The following POMT1 variants were observed in gnomAD, a reference collection of about 807,000 sequenced individuals.
POMT1 encodes the protein protein O-mannosyl-transferase 1.
In POMT1, 85 loss-of-function variants were observed where a neutral mutation model predicts 101.6. The observed-to-expected ratio is 0.84, with a 90% CI of 0.70 to 1.00. The LOEUF is 1.00. Ranked by LOEUF, POMT1 falls within the 50% of genes least tolerant of loss-of-function variation. The probability of loss-of-function intolerance (pLI) is 0.00; values close to 1 mark genes in which losing one functional copy is unlikely to be tolerated. For missense variants in POMT1, 857 were observed against 930.4 expected (o/e 0.92, Z 1.03); for synonymous variants, 371 against 383.0 (o/e 0.97, Z 0.37).
chr9:131,504,385 T>A, intron 2 of POMT1, 45 bp downstream of exon 2: 1 of 1,614,022 alleles, frequency 6.2e-7, no homozygotes, highest in Non-Finnish European at 8.5e-7. Context: ...AGAATTGTAC[T>A]TTGTGACAGG....
intron 13 of POMT1, among the ~76,000 whole-genome samples, chr9:131,515,982 ACACTC>A (rs1948396730): frequency 1.0e-4 from 1 of 9,764 alleles, no homozygotes; most frequent in Non-Finnish European, 4.1e-4. Flanking sequence ...ACTTCCTCTC[ACACTC>A]ACACGGAGCA....
chr9:131,515,577 A>G, intron 13 of POMT1, 55 bp downstream of exon 13: 1 of 1,523,154 alleles, frequency 6.6e-7, no homozygotes. Context: ...ACACTCCCTC[A>G]CACGGAGCAC....
chr9:131,514,767 C>T (rs569672969), intron 12 of POMT1, among the ~76,000 whole-genome samples: 3 of 152,298 alleles, frequency 2.0e-5, no homozygotes, highest in African/African-American at 7.2e-5. Context: ...ACAAGCTGGG[C>T]CAACATGGTG....
chr9:131,513,871 C>T (rs1947689980), intron 12 of POMT1, among the ~76,000 whole-genome samples: 2 of 152,250 alleles, frequency 1.3e-5, no homozygotes, highest in African/African-American at 2.4e-5. Context: ...CTCTGTTGCT[C>T]TCAGTCTCTG....
chr9:131,517,849 G>C (rs962099719), intron 13 of POMT1, among the ~76,000 whole-genome samples: 1 of 152,234 alleles, frequency 6.6e-6, no homozygotes, highest in African/African-American at 2.4e-5. Flanking sequence ...GGCATGGACC[G>C]CGGCCAGGCC....
chr9:131,523,314 A>G lies in POMT1; in HGVS notation c.*208A>G, dbSNP rs1307867545. 7.9e-6 allele frequency: 5 copies of G among 635,662 alleles called. No individual in the cohort carries two copies. The highest frequency in any genetic ancestry group is 3.6e-5 in the African/African-American group (2 of 54,970). The allele number at this position is 635,662 out of a possible 1,614,324, so 39.4% of individuals were successfully genotyped here. A position where few individuals can be genotyped will look rare whatever the true frequency, so the allele number is the denominator to read the frequency against. On this transcript the variant is annotated 3_prime_UTR_variant, in exon 20 of 20. Transcript: ENST00000402686. ...GCAAAGTTAATTTTTTCTCGACAAT[A>G]AAGATATTCCGTGTCTTTACCCCTG... is the stretch of plus-strand genomic sequence containing the variant.
In POMT1 at chr9:131,519,141, C is replaced by A. The variant is rs1475374673; in HGVS notation, c.1486+184C>A. Among the ~76,000 whole-genome samples the A allele has an allele frequency of 6.6e-6, 1 of 152,220 alleles. No individual in the cohort carries two copies. Among genetic ancestry groups the A allele is most frequent in the Non-Finnish European group, 1.5e-5 (1 of 68,038 alleles). On this transcript the variant is annotated intron_variant, in intron 15 of 19. Transcript: ENST00000402686. This position sits in a 1 kb window ranked among gnomAD's most constrained non-coding sequence, Gnocchi z 4.3. Reference sequence around the variant, plus strand: ...GCTGCAGTAATAACTCAAGACGCTTCTTCCGAGGTGTCGCTGGAAGGCAAC... The same window carrying A: ...GCTGCAGTAATAACTCAAGACGCTTATTCCGAGGTGTCGCTGGAAGGCAAC...
chr9:131,519,589 C>A lies in POMT1; in HGVS notation c.1584+103C>A. Reference sequence around the variant, plus strand: ...GACTCAAACCAGAGTCAGGCTTTGACGCTGGAGCTACAGGCTCACAACAGA... The same window carrying A: ...GACTCAAACCAGAGTCAGGCTTTGAAGCTGGAGCTACAGGCTCACAACAGA... On this transcript the variant is annotated intron_variant, in intron 16 of 19. Transcript: ENST00000402686. The surrounding 1 kb of genome is among the most constrained non-coding windows in gnomAD (Gnocchi z 4.3). 2.7e-6 allele frequency: 3 copies of A among 1,123,138 alleles called. No individual in the cohort carries two copies. Among genetic ancestry groups the A allele is most frequent in the South Asian group, 1.3e-5 (1 of 75,208 alleles). The allele number at this position is 1,123,138 out of a possible 1,614,324, so 69.6% of individuals were successfully genotyped here.
At position 131,509,009 on chromosome 9, in the gene POMT1, T is replaced by C; in HGVS notation, c.526T>C (p.Cys176Arg). ...GTTGTCCTACCTGAAGTTCTTCAACTGCCAAAAGCACAGGTATGGAAAATG... is the reference window on the plus strand; with the variant it reads ...GTTGTCCTACCTGAAGTTCTTCAACCGCCAAAAGCACAGGTATGGAAAATG... ...AVLSYLKFFN[C>R]QKHSPFSLSW... Residue 176 changes from cysteine (C) to arginine (R), a missense_variant, in exon 6 of 20, where the codon TGC (cysteine) becomes CGC (arginine). By Grantham distance (180) the Cys-to-Arg change is radical. Coordinates refer to ENST00000402686, the MANE Select transcript of POMT1 (RefSeq NM_001077365.2). 1 of 1,607,922 alleles carries C rather than the reference T, an allele frequency of 6.2e-7. No individual in the cohort carries two copies. Among genetic ancestry groups the C allele is most frequent in the Non-Finnish European group, 8.5e-7 (1 of 1,174,342 alleles).
In POMT1 at chr9:131,522,780, G is replaced by A; in HGVS notation, c.2004-152G>A. 4.6e-6 allele frequency: 4 copies of A among 864,926 alleles called. No individual in the cohort carries two copies. In the South Asian group the frequency reaches 6.1e-5, roughly 13 times the overall value. 53.6% of individuals were successfully genotyped at this position (864,926 alleles called of 1,614,324 possible). A position where few individuals can be genotyped will look rare whatever the true frequency, so the allele number is the denominator to read the frequency against. ...TCTCAGTGCATCCAGGTGGGAGATG[G>A]TCATGGGTGGCAGGAGACAAGACAC... On this transcript the variant is annotated intron_variant, in intron 19 of 19. Coordinates refer to ENST00000402686, the MANE Select transcript of POMT1 (RefSeq NM_001077365.2). The surrounding 1 kb of genome is among the most constrained non-coding windows in gnomAD (Gnocchi z 5.5).
intron 12 of POMT1, 46 bp from the exon 13 acceptor site, chr9:131,515,380 A>G: frequency 6.4e-7 from 1 of 1,574,632 alleles, no homozygotes; most frequent in East Asian, 2.2e-5. Context: ...ATTGCCTTCC[A>G]GAGGAGTTCA....
At chr9:131,520,728 G>A (rs1004293057) in intron 17 of POMT1, among the ~76,000 whole-genome samples, 23 of 152,246 alleles carry the variant, frequency 1.5e-4, no homozygotes, top group African/African-American at 5.5e-4. Flanking sequence ...AGCTCTGAGC[G>A]CACTTTGCAT....
Position 131,521,559 on chromosome 9 carries a change from G to T in POMT1, c.1825+87G>T, listed in dbSNP as rs538491666. On this transcript the variant is annotated intron_variant, in intron 18 of 19. Coordinates refer to ENST00000402686, the MANE Select transcript of POMT1 (RefSeq NM_001077365.2). ...TGTCCAGGGTGTTCTTGAACTCCTGGGCTTAAGCGATCCTCCTGCCTCGGC... is the reference window on the plus strand; with the variant it reads ...TGTCCAGGGTGTTCTTGAACTCCTGTGCTTAAGCGATCCTCCTGCCTCGGC... The T allele has an allele frequency of 1.2e-5, 18 of 1,477,196 alleles. No individual in the cohort carries two copies. The South Asian group carries it at 1.8e-4, about 15-fold the overall frequency. The allele number at this position is 1,477,196 out of a possible 1,614,324, so 91.5% of individuals were successfully genotyped here.
intron 11 of POMT1, 80 bp downstream of exon 11, chr9:131,512,216 C>T: frequency 6.4e-7 from 1 of 1,564,826 alleles, no homozygotes; most frequent in Non-Finnish European, 8.7e-7. Flanking sequence ...CAGTCCTGGG[C>T]CCCCTTCTTT....
intron 9 of POMT1, chr9:131,510,790 G>A (rs1297034025): frequency 5.7e-6 from 2 of 348,798 alleles, no homozygotes; most frequent in Non-Finnish European, 1.1e-5. Flanking sequence ...ATAGGCGTGA[G>A]CCACCGCGCC....
chr9:131,520,993 C>G (rs561292736), intron 17 of POMT1: 2 of 349,990 alleles, frequency 5.7e-6, no homozygotes, highest in Non-Finnish European at 1.1e-5. Context: ...AGGTGCCCAC[C>G]GCAATGCCCA....
chr9:131,518,181 G>C (rs749737383), intron 13 of POMT1: 8 of 527,254 alleles, frequency 1.5e-5, no homozygotes, highest in Non-Finnish European at 2.9e-5. Flanking sequence ...AGAACATCAG[G>C]CTTTGTATTT....
At chr9:131,505,551 G>A (rs1249098723) in intron 2 of POMT1, among the ~76,000 whole-genome samples, 3 of 152,044 alleles carry the variant, frequency 2.0e-5, no homozygotes, top group Non-Finnish European at 2.9e-5. Context: ...GTGAGCCACC[G>A]TGCCTGGCTG....
In POMT1 at chr9:131,519,985, C is replaced by G; in HGVS notation, c.1585-95C>G. 1 of 918,416 alleles carries G rather than the reference C, an allele frequency of 1.1e-6. No individual in the cohort carries two copies. The highest frequency in any genetic ancestry group is 1.7e-6 in the Non-Finnish European group (1 of 572,952). 56.9% of individuals were successfully genotyped at this position (918,416 alleles called of 1,614,324 possible). A position where few individuals can be genotyped will look rare whatever the true frequency, so the allele number is the denominator to read the frequency against. ...AATGAACTTGAGCTGGGCCAGTCCA[C>G]GTGCAAGGGGCAGCAGTGTACTCCT... On this transcript the variant is annotated intron_variant, in intron 16 of 19. Transcript: ENST00000402686. This position sits in a 1 kb window ranked among gnomAD's most constrained non-coding sequence, Gnocchi z 4.3.
Sources: allele counts gnomAD v4.1 joint callset (sites outside exome capture counted in the v4.1 genomes callset), GRCh38; gene constraint gnomAD v4.1.1; non-coding constraint Gnocchi (gnomAD v3.1); transcripts MANE v1.5; gene names NCBI Gene and HGNC (gene_info 2026-07-23, HGNC 2026-07-21).